ATAD2B: variants seen among roughly 807,000 people sequenced by gnomAD.
ATAD2B encodes ATPase family AAA domain containing 2B, also known as ATPase family AAA domain-containing protein 2B.
ATAD2B carries 40 observed loss-of-function variants against 167.6 expected under a neutral mutation model. The ratio of observed to expected loss-of-function variants is 0.24; its 90% CI spans 0.19 to 0.31. ATAD2B has a LOEUF of 0.31. ATAD2B is among the 10% of genes least tolerant of loss of function. The pLI is 1.00. For synonymous variants in ATAD2B, 579 were observed against 596.5 expected, an observed-to-expected ratio of 0.97 and a Z score of 0.43; for missense variants, 1,242 against 1,757.2, an observed-to-expected ratio of 0.71 and a Z score of 5.24.
intron 7 of ATAD2B, among the ~76,000 whole-genome samples, chr2:23,876,140 G>A (rs1696792285): frequency 6.7e-6 from 1 of 149,532 alleles, no homozygotes; most frequent in Non-Finnish European, 1.5e-5. Flanking sequence ...ACTACATGCG[G>A]GTGCCACCAC....
At chr2:23,798,052 A>T in intron 19 of ATAD2B, 86 bp downstream of exon 19, 1 of 868,918 alleles carries the variant, frequency 1.2e-6, no homozygotes, top group Non-Finnish European at 1.7e-6. Context: ...TATTAATTTT[A>T]TAATAATTAA....
intron 1 of ATAD2B, among the ~76,000 whole-genome samples, chr2:23,911,223 A>G (rs981644368): frequency 2.1e-5 from 3 of 142,032 alleles, no homozygotes; most frequent in African/African-American, 5.2e-5. Context: ...CTCCGTCTGG[A>G]AAAAAAAAAA....
chr2:23,799,410 TA>T (rs1361986518), intron 18 of ATAD2B, among the ~76,000 whole-genome samples: 1 of 151,284 alleles, frequency 6.6e-6, no homozygotes, highest in Non-Finnish European at 1.5e-5. Flanking sequence ...CCACCTCTAC[TA>T]AAAATCCAAA....
chr2:23,848,472 T>G (rs746251008), intron 13 of ATAD2B, among the ~76,000 whole-genome samples: 2 of 152,094 alleles, frequency 1.3e-5, no homozygotes, highest in Non-Finnish European at 2.9e-5. Flanking sequence ...AGAGTGAGAC[T>G]CTGTCTCAAA....
chr2:23,908,842 A>T (rs1360988665), intron 1 of ATAD2B, among the ~76,000 whole-genome samples: 1 of 151,958 alleles, frequency 6.6e-6, no homozygotes, highest in Non-Finnish European at 1.5e-5. Flanking sequence ...TTGTAGGGAT[A>T]TGGATGAAAC....
Position 23,833,897 on chromosome 2 carries a change from T to C in ATAD2B, c.1728+22A>G, listed in dbSNP as rs181505714. ...GTAGAATTACATATAAATGTTAACA[T>C]ATTGAAAACAAAAACTCTTACCTTT... On this transcript the variant is annotated intron_variant, in intron 14 of 27. Coordinates refer to ENST00000238789, the MANE Select transcript of ATAD2B (RefSeq NM_017552.4). 227 of 1,571,188 alleles carry C rather than the reference T, an allele frequency of 1.4e-4. 1 individual carries two copies. The African/African-American group carries it at 2.9e-3, about 20-fold the overall frequency.
intron 21 of ATAD2B, among the ~76,000 whole-genome samples, chr2:23,783,376 GA>G (rs1185530323): frequency 6.7e-6 from 1 of 149,970 alleles, no homozygotes; most frequent in Non-Finnish European, 1.5e-5. Context: ...ATGACTTCAG[GA>G]AAAAAATTAA....
At chr2:23,856,249 T>C (rs1693392946) in intron 13 of ATAD2B, 1 of 173,412 alleles carries the variant, frequency 5.8e-6, no homozygotes, top group South Asian at 1.4e-4. Flanking sequence ...TTTTTCAGAT[T>C]TTGGAATATT....
intron 13 of ATAD2B, among the ~76,000 whole-genome samples, chr2:23,839,009 C>G (rs111674421): frequency 6.6e-6 from 1 of 152,128 alleles, no homozygotes; most frequent in Admixed American, 6.5e-5. Flanking sequence ...CATGAGACTT[C>G]TTAGACTTAC....
the ATAD2B span, among the ~76,000 whole-genome samples, chr2:23,719,182 C>A: frequency 6.6e-6 from 1 of 152,142 alleles, no homozygotes; most frequent in Non-Finnish European, 1.5e-5. Flanking sequence ...TTGGTCTGGA[C>A]CTAGCCGAGT....
At chr2:23,830,484 A>G (rs1688874749) in intron 14 of ATAD2B, among the ~76,000 whole-genome samples, 1 of 152,168 alleles carries the variant, frequency 6.6e-6, no homozygotes, top group African/African-American at 2.4e-5. Context: ...GTAAATTATA[A>G]CCAAGATGAT....
intron 22 of ATAD2B, among the ~76,000 whole-genome samples, chr2:23,771,138 C>T (rs945859384): frequency 1.3e-5 from 2 of 152,152 alleles, no homozygotes; most frequent in Non-Finnish European, 2.9e-5. Flanking sequence ...AAGTGTTTTA[C>T]ATGCTGATCC....
At position 23,904,072 on chromosome 2, in the gene ATAD2B, G is replaced by A. The variant is rs577442528; in HGVS notation, c.217-8102C>T. ...AATTATAGCCAGAAATCTAAGGAGA[G>A]GTCTATCAGGCTATGGGAAACACAC... On this transcript the variant is annotated intron_variant, in intron 1 of 27. Coordinates refer to ENST00000238789, the MANE Select transcript of ATAD2B (RefSeq NM_017552.4). Among the ~76,000 whole-genome samples the A allele has an allele frequency of 1.1e-3, 165 of 152,076 alleles. 1 individual carries two copies. Among genetic ancestry groups the A allele is most frequent in the African/African-American group, 3.8e-3 (157 of 41,484 alleles).
the ATAD2B span, among the ~76,000 whole-genome samples, chr2:23,730,471 C>T: frequency 2.0e-5 from 3 of 151,496 alleles, no homozygotes; most frequent in South Asian, 6.3e-4. Flanking sequence ...TCGAGACCAT[C>T]CTGGCTAACA....
chr2:23,772,437 C>A (rs1363291053), intron 22 of ATAD2B, among the ~76,000 whole-genome samples: 2 of 152,030 alleles, frequency 1.3e-5, no homozygotes, highest in African/African-American at 2.4e-5. Flanking sequence ...GTAGCCTATG[C>A]AATACCACAG....
intron 13 of ATAD2B, among the ~76,000 whole-genome samples, chr2:23,837,827 A>AG (rs1405339287): frequency 6.6e-6 from 1 of 152,236 alleles, no homozygotes; most frequent in Non-Finnish European, 1.5e-5. Flanking sequence ...TTTCTTTAGA[A>AG]TGGCTACCAC....
intron 22 of ATAD2B, among the ~76,000 whole-genome samples, chr2:23,767,176 T>G (rs1015557841): frequency 3.3e-5 from 5 of 152,224 alleles, no homozygotes; most frequent in African/African-American, 1.2e-4. Flanking sequence ...CCACCCTGAC[T>G]CATTCCGATT....
chr2:23,812,965 CATTTT>C (rs999506979), intron 17 of ATAD2B, among the ~76,000 whole-genome samples: 82 of 151,988 alleles, frequency 5.4e-4, no homozygotes, highest in African/African-American at 1.9e-3. Flanking sequence ...CACATAGTTT[CATTTT>C]ATTAAACAGA....
rs768341241 is a variant in ATAD2B, at chr2:23,888,375, T to C, written c.393A>G (p.Thr131=). The part of the protein sequence containing the change: ...QARLTSQPGA[T]LPNGHSGLSL... ...ATAAGCCACTATGTCCATTTGGTAA[T>C]GTAGCACCAGGCTGAGAAGTTAACC... The change falls in exon 3 of 28, where the codon ACA becomes ACG. Residue 131 remains threonine (T), a synonymous_variant. Coordinates refer to ENST00000238789, the MANE Select transcript of ATAD2B (RefSeq NM_017552.4). 6.3e-6 allele frequency: 10 copies of C among 1,594,166 alleles called. No homozygotes were observed. The South Asian group carries it at 6.9e-5, about 11-fold the overall frequency.
Sources: gnomAD v4.1 joint callset for allele counts (sites outside exome capture counted in the v4.1 genomes callset) on GRCh38, gnomAD v4.1.1 for gene constraint, MANE v1.5 for transcripts, NCBI Gene and HGNC (gene_info 2026-07-23, HGNC 2026-07-21) for gene names.